The following SUMF1 variants were observed in gnomAD, a reference collection of about 807,000 sequenced individuals.
The protein encoded by SUMF1 is sulfatase modifying factor 1.
In SUMF1, 48 loss-of-function variants were observed where a neutral mutation model predicts 47.6. The observed-to-expected ratio is 1.01, with a 90% CI of 0.80 to 1.28. The LOEUF is 1.28. Among genes scored for constraint, SUMF1 ranks in the 50% most tolerant of loss-of-function variants. SUMF1 has a pLI of 0.00. For synonymous variants in SUMF1, 230 were observed against 192.1 expected, an observed-to-expected ratio of 1.20 and a Z score of -1.63; for missense variants, 571 against 485.4, an observed-to-expected ratio of 1.18 and a Z score of -1.66.
At chr3:4,087,240 C>G (rs1407019567) in intron 8 of SUMF1, among the ~76,000 whole-genome samples, 1 of 152,184 alleles carries the variant, frequency 6.6e-6, no homozygotes, top group Non-Finnish European at 1.5e-5. Context: ...GGTATTTAAT[C>G]TGATTGCCTC....
chr3:4,447,534 C>T (rs986234913), intron 3 of SUMF1, among the ~76,000 whole-genome samples: 1 of 151,786 alleles, frequency 6.6e-6, no homozygotes, highest in Non-Finnish European at 1.5e-5. Flanking sequence ...AAATTTACCT[C>T]GTAGGCCAAC....
rs185314418 is a variant in SUMF1, at chr3:4,050,382, T to C, written c.1191+18187A>G. On this transcript the variant is annotated intron_variant and NMD_transcript_variant, in intron 9 of 12. Coordinates refer to the SUMF1 transcript ENST00000448413. ...TTTCCCTAGACTTTTGAGCAGTTGCTTTCTGGGTCTCAATGTCCTTATCTG... is the reference window on the plus strand; with the variant it reads ...TTTCCCTAGACTTTTGAGCAGTTGCCTTCTGGGTCTCAATGTCCTTATCTG... Among the ~76,000 whole-genome samples, 25 of 152,130 alleles carry C rather than the reference T, an allele frequency of 1.6e-4. No individual in the cohort carries two copies. In the East Asian group the frequency reaches 4.8e-3, roughly 29 times the overall value.
downstream of SUMF1, among the ~76,000 whole-genome samples, chr3:4,358,360 A>AAACAAC (rs34641512): frequency 2.6e-5 from 4 of 151,538 alleles, no homozygotes; most frequent in African/African-American, 9.7e-5. Flanking sequence ...AGAGTTCCTA[A>AAACAAC]AACAACAACA....
At chr3:4,273,774 GA>G (rs1223813928) in intron 8 of SUMF1, among the ~76,000 whole-genome samples, 3 of 124,648 alleles carry the variant, frequency 2.4e-5, no homozygotes, top group African/African-American at 9.4e-5. Flanking sequence ...GAGGATACGG[GA>G]GGGGAGGATA....
chr3:4,307,001 A>G (rs752094070), intron 8 of SUMF1, among the ~76,000 whole-genome samples: 10 of 152,242 alleles, frequency 6.6e-5, no homozygotes, highest in Non-Finnish European at 1.5e-4. Flanking sequence ...TTAGATCTCA[A>G]CAGGCCTTGA....
At chr3:4,284,106 A>T (rs961813357) in intron 8 of SUMF1, among the ~76,000 whole-genome samples, 1 of 152,122 alleles carries the variant, frequency 6.6e-6, no homozygotes, top group African/African-American at 2.4e-5. Context: ...GGAGCTAAGA[A>T]CGCGAAGTGC....
intron 9 of SUMF1, among the ~76,000 whole-genome samples, chr3:4,041,005 GGC>G (rs1353131050): frequency 6.6e-6 from 1 of 152,142 alleles, no homozygotes; most frequent in East Asian, 1.9e-4. Context: ...TGAAGTTTAT[GGC>G]AGTTCCCAAA....
At chr3:4,462,456 T>C (rs1214735154) in intron 1 of SUMF1, among the ~76,000 whole-genome samples, 3 of 152,224 alleles carry the variant, frequency 2.0e-5, no homozygotes, top group Admixed American at 6.5e-5. Context: ...TCCAGGTGTG[T>C]CTGGGGCCAT....
intron 8 of SUMF1, among the ~76,000 whole-genome samples, chr3:4,091,178 A>C (rs1692779629): frequency 6.6e-6 from 1 of 151,998 alleles, no homozygotes; most frequent in Non-Finnish European, 1.5e-5. Context: ...ATGCCATAGA[A>C]ACTTAACTCT....
intron 8 of SUMF1, among the ~76,000 whole-genome samples, chr3:4,191,144 G>A (rs1336228918): frequency 6.6e-6 from 1 of 152,156 alleles, no homozygotes; most frequent in East Asian, 1.9e-4. Context: ...AATCTGGTTG[G>A]AAGGGAGGGA....
At chr3:4,196,037 CT>C in intron 8 of SUMF1, among the ~76,000 whole-genome samples, 1 of 152,148 alleles carries the variant, frequency 6.6e-6, no homozygotes, top group South Asian at 2.1e-4. Flanking sequence ...GTAAAAAGCA[CT>C]ATATGATTAA....
chr3:4,447,763 C>T (rs896586376), intron 3 of SUMF1, among the ~76,000 whole-genome samples: 1 of 152,158 alleles, frequency 6.6e-6, no homozygotes, highest in African/African-American at 2.4e-5. Context: ...ACACTACAAC[C>T]CAGTGAGAGC....
At chr3:4,336,219 G>C (rs966590479) in intron 8 of SUMF1, among the ~76,000 whole-genome samples, 1 of 152,002 alleles carries the variant, frequency 6.6e-6, no homozygotes, top group Non-Finnish European at 1.5e-5. Flanking sequence ...GTGAACTTTA[G>C]TATTTAAAGG....
intron 8 of SUMF1, among the ~76,000 whole-genome samples, chr3:4,233,582 A>C (rs1696347397): frequency 6.6e-6 from 1 of 152,096 alleles, no homozygotes. Context: ...CAGAACAGAC[A>C]ACCAATTTGA....
chr3:4,237,541 A>G (rs1696436900), intron 8 of SUMF1, among the ~76,000 whole-genome samples: 1 of 152,100 alleles, frequency 6.6e-6, no homozygotes, highest in Non-Finnish European at 1.5e-5. Flanking sequence ...CCTTTATCAT[A>G]CATGTCTTTT....
At chr3:4,252,191 G>A (rs181728958) in intron 8 of SUMF1, among the ~76,000 whole-genome samples, 54 of 152,246 alleles carry the variant, frequency 3.5e-4, no homozygotes, top group Non-Finnish European at 5.9e-4. Context: ...AAAATATACT[G>A]TAGCTACAAA....
chr3:4,386,619 C>A (rs1700681974), intron 7 of SUMF1, among the ~76,000 whole-genome samples: 1 of 152,006 alleles, frequency 6.6e-6, no homozygotes, highest in Non-Finnish European at 1.5e-5. Context: ...ATTCTACTGG[C>A]TAGAAATCCC....
chr3:4,118,193 C>T (rs138399517), intron 8 of SUMF1, among the ~76,000 whole-genome samples: 36 of 152,048 alleles, frequency 2.4e-4, no homozygotes, highest in African/African-American at 8.0e-4. Flanking sequence ...TGACCATCAT[C>T]GCCTCTAGCT....
intron 8 of SUMF1, among the ~76,000 whole-genome samples, chr3:4,302,132 A>G (rs1697984107): frequency 6.6e-6 from 1 of 152,202 alleles, no homozygotes; most frequent in Non-Finnish European, 1.5e-5. Flanking sequence ...ACAGGTCTCA[A>G]TTTAGAAAGT....
Sources: allele counts gnomAD v4.1 joint callset (sites outside exome capture counted in the v4.1 genomes callset), GRCh38; gene constraint gnomAD v4.1.1; transcripts MANE v1.5; gene names NCBI Gene and HGNC (gene_info 2026-07-23, HGNC 2026-07-21).